KCNMA1: variants seen among roughly 807,000 people sequenced by gnomAD.
KCNMA1 encodes Calcium-activated potassium channel subunit alpha-1.
A neutral mutation model predicts 140.0 loss-of-function variants in KCNMA1; 29 were observed. That is an observed-to-expected ratio of 0.21 (90% CI 0.15 to 0.28). The LOEUF (loss-of-function observed/expected upper bound fraction) is 0.28, where lower values mean the gene tolerates loss of function less well. KCNMA1 is among the 10% of genes least tolerant of loss of function. The pLI is 1.00. For synonymous variants in KCNMA1, 612 were observed against 611.9 expected, an observed-to-expected ratio of 1.00 and a Z score of 0.00; for missense variants, 880 against 1,602.2, an observed-to-expected ratio of 0.55 and a Z score of 7.70.
chr10:77,406,476 C>T (rs774233385), intron 1 of KCNMA1, among the ~76,000 whole-genome samples: 2 of 152,200 alleles, frequency 1.3e-5, no homozygotes, highest in South Asian at 4.1e-4. Context: ...AATGAGCGGG[C>T]ATCATAAGCA....
At chr10:77,071,707 A>G (rs1342575986) in intron 14 of KCNMA1, 1 of 152,232 alleles carries the variant, frequency 6.6e-6, no homozygotes, top group Non-Finnish European at 1.5e-5. Flanking sequence ...TGCTGAGCTG[A>G]GACCTTTGGC....
Position 77,274,473 on chromosome 10 carries a change from G to T in KCNMA1, c.541-23217C>A, listed in dbSNP as rs115694255. On this transcript the variant is annotated intron_variant, in intron 2 of 27. Coordinates refer to ENST00000286628, the MANE Select transcript of KCNMA1 (RefSeq NM_001161352.2). ...TTAAATGATGCTACTGAGAAACGAA[G>T]CCATTTTCCTTGTTAAAAATGTGCT... Among the ~76,000 whole-genome samples the T allele has an allele frequency of 3.5e-3, 526 of 152,176 alleles. 3 individuals are homozygous for T. Among genetic ancestry groups the T allele is most frequent in the African/African-American group, 0.012 (500 of 41,528 alleles).
intron 1 of KCNMA1, among the ~76,000 whole-genome samples, chr10:77,626,543 A>G (rs2092549487): frequency 6.6e-6 from 1 of 152,170 alleles, no homozygotes; most frequent in Non-Finnish European, 1.5e-5. Context: ...TGAGTTCTCC[A>G]TTTGAATAAC....
intron 19 of KCNMA1, among the ~76,000 whole-genome samples, chr10:76,989,726 A>G (rs970910613): frequency 1.3e-5 from 2 of 151,744 alleles, no homozygotes; most frequent in African/African-American, 4.8e-5. Context: ...AAGCTGTTCA[A>G]CTCTCAGCCA....
chr10:77,129,909 T>C (rs1001472520), intron 5 of KCNMA1, among the ~76,000 whole-genome samples: 1 of 152,132 alleles, frequency 6.6e-6, no homozygotes, highest in Non-Finnish European at 1.5e-5. Flanking sequence ...AGAAATCCAT[T>C]ATAGGATAAC....
chr10:77,254,353 CTGGGA>C, intron 2 of KCNMA1, among the ~76,000 whole-genome samples: 1 of 151,914 alleles, frequency 6.6e-6, no homozygotes, highest in East Asian at 1.9e-4. Context: ...TCCCAAGTAG[CTGGGA>C]CTACAGGTGC....
chr10:77,450,815 A>G (rs1470008566), intron 1 of KCNMA1, among the ~76,000 whole-genome samples: 2 of 152,214 alleles, frequency 1.3e-5, no homozygotes, highest in Non-Finnish European at 2.9e-5. Flanking sequence ...CCCCACTCAA[A>G]TCTCCTCTTG....
intron 5 of KCNMA1, among the ~76,000 whole-genome samples, chr10:77,128,255 A>G (rs1426837817): frequency 6.6e-6 from 1 of 151,968 alleles, no homozygotes; most frequent in Admixed American, 6.6e-5. Flanking sequence ...ATTCTTCTCA[A>G]TTTGGCTTAA....
intron 1 of KCNMA1, among the ~76,000 whole-genome samples, chr10:77,458,721 T>C (rs697174): frequency 0.17 from 25,513 of 152,148 alleles, 2,295 homozygotes; most frequent in African/African-American, 0.22. Context: ...GTCAGGACAC[T>C]GCTGCAGACA....
intron 3 of KCNMA1, among the ~76,000 whole-genome samples, chr10:77,223,762 G>A (rs1213147811): frequency 6.6e-6 from 1 of 152,072 alleles, no homozygotes; most frequent in Non-Finnish European, 1.5e-5. Flanking sequence ...TTTCAAGGAG[G>A]GTGTGCTTGG....
chr10:77,101,753 C>T (rs1365737195), intron 9 of KCNMA1, among the ~76,000 whole-genome samples: 1 of 152,164 alleles, frequency 6.6e-6, no homozygotes, highest in Non-Finnish European at 1.5e-5. Flanking sequence ...TTATAGGAAA[C>T]ACCCCTCATG....
chr10:76,993,605 G>C (rs904564628), intron 19 of KCNMA1, among the ~76,000 whole-genome samples: 2 of 152,156 alleles, frequency 1.3e-5, no homozygotes, highest in African/African-American at 4.8e-5. Context: ...CCCACAACAG[G>C]CTCCCCTCTG....
At chr10:77,084,821 G>GC (rs2096657043) in intron 11 of KCNMA1, 102 bp from the exon 12 acceptor site, 1 of 526,424 alleles carries the variant, frequency 1.9e-6, no homozygotes, top group African/African-American at 2.1e-5. Context: ...GCTTTGCAAA[G>GC]AAAAAAAAAA....
intron 21 of KCNMA1, chr10:76,952,247 G>A (rs1278893819): frequency 2.1e-6 from 3 of 1,420,252 alleles, no homozygotes; most frequent in Non-Finnish European, 2.9e-6. Context: ...ATGGCTGGGT[G>A]CAGTGACTCA....
At chr10:77,114,086 T>C (rs1368353309) in intron 6 of KCNMA1, among the ~76,000 whole-genome samples, 4 of 152,194 alleles carry the variant, frequency 2.6e-5, no homozygotes, top group African/African-American at 9.6e-5. Flanking sequence ...ATGTCTCCAC[T>C]GAGAGGTGCC....
Position 76,955,190 on chromosome 10 carries a change from CTTTTTTCTTTTTTTT to C in KCNMA1, c.2361-1281_2361-1267del, listed in dbSNP as rs201320072. On this transcript the variant is annotated intron_variant, in intron 20 of 27. Coordinates refer to ENST00000286628, the MANE Select transcript of KCNMA1 (RefSeq NM_001161352.2). ...TTCAACATCAGAGGGTGACTTTTTT[CTTTTTTCTTTTTTTT>C]TTTTTTTAGACAGAGTCTCGCTCTG... 3.8e-3 allele frequency among the ~76,000 whole-genome samples: 404 copies of C among 105,660 alleles called. 6 individuals carry two copies. In the East Asian group the frequency reaches 0.044, roughly 11 times the overall value. The allele number at this position is 105,660 out of a possible 152,430, so 69.3% of individuals were successfully genotyped here.
chr10:77,265,536 A>T (rs2063196376), intron 2 of KCNMA1, among the ~76,000 whole-genome samples: 1 of 152,352 alleles, frequency 6.6e-6, no homozygotes, highest in East Asian at 1.9e-4. Flanking sequence ...CCATTTGGAC[A>T]AAATCTCTTT....
chr10:77,085,508 G>C (rs2096671154), intron 11 of KCNMA1, among the ~76,000 whole-genome samples: 1 of 152,052 alleles, frequency 6.6e-6, no homozygotes, highest in Non-Finnish European at 1.5e-5. Context: ...GTTATGTCTG[G>C]ATAATATCAA....
intron 3 of KCNMA1, among the ~76,000 whole-genome samples, chr10:77,198,585 A>G (rs1185918290): frequency 1.4e-5 from 2 of 147,484 alleles, no homozygotes; most frequent in Non-Finnish European, 3.0e-5. Context: ...ATATATATAT[A>G]TATATATATT....
Sources: gnomAD v4.1 joint callset for allele counts (sites outside exome capture counted in the v4.1 genomes callset) on GRCh38, gnomAD v4.1.1 for gene constraint, MANE v1.5 for transcripts, NCBI Gene and HGNC (gene_info 2026-07-23, HGNC 2026-07-21) for gene names.